Variants in CCNY observed in about 807,000 individuals in gnomAD.
CCNY encodes cyclin Y.
In CCNY, 19 loss-of-function variants were observed where a neutral mutation model predicts 42.8. The observed-to-expected ratio is 0.44, with a 90% CI of 0.31 to 0.65. The LOEUF is 0.65. Ranked by LOEUF, CCNY falls within the 30% of genes least tolerant of loss-of-function variation. CCNY has a pLI of 0.07. For synonymous variants in CCNY, 165 were observed against 162.7 expected (o/e 1.01, Z -0.11); for missense variants, 370 against 437.3 (o/e 0.85, Z 1.37).
intron 1 of CCNY, among the ~76,000 whole-genome samples, chr10:35,414,703 A>G (rs909329774): frequency 6.6e-6 from 1 of 152,294 alleles, no homozygotes; most frequent in South Asian, 2.1e-4. Context: ...TGACTTCAGC[A>G]AGTTGGGGGC....
chr10:35,521,892 C>T (rs894707385), intron 4 of CCNY, among the ~76,000 whole-genome samples: 5 of 151,954 alleles, frequency 3.3e-5, no homozygotes, highest in Admixed American at 6.6e-5. Flanking sequence ...AAACAATGAC[C>T]GGCACAGCTA....
intron 3 of CCNY, among the ~76,000 whole-genome samples, chr10:35,301,276 C>T (rs898413646): frequency 2.0e-5 from 3 of 152,078 alleles, no homozygotes; most frequent in African/African-American, 7.2e-5. Flanking sequence ...AAATATATGG[C>T]CAATGTGTGT....
At chr10:35,510,144 G>A (rs746959506) in intron 3 of CCNY, among the ~76,000 whole-genome samples, 1 of 152,110 alleles carries the variant, frequency 6.6e-6, no homozygotes, top group Non-Finnish European at 1.5e-5. Context: ...CATATTTAGA[G>A]ATTTCATTTA....
chr10:35,491,521 C>G (rs1354454503), intron 2 of CCNY, among the ~76,000 whole-genome samples: 1 of 152,216 alleles, frequency 6.6e-6, no homozygotes, highest in Non-Finnish European at 1.5e-5. Flanking sequence ...GACAGCCAGT[C>G]TGGAAATCGT....
intron 2 of CCNY, among the ~76,000 whole-genome samples, chr10:35,490,504 A>G (rs1247376823): frequency 6.6e-6 from 1 of 152,188 alleles, no homozygotes; most frequent in Non-Finnish European, 1.5e-5. Context: ...TCTGCGGTCC[A>G]CTGCACCTTC....
At chr10:35,490,869 G>A (rs918839912) in intron 2 of CCNY, among the ~76,000 whole-genome samples, 3 of 152,192 alleles carry the variant, frequency 2.0e-5, no homozygotes, top group Non-Finnish European at 4.4e-5. Context: ...GTGAAGTTGT[G>A]AGGGAGGAAG....
At chr10:35,386,181 G>A (rs543029578) in intron 1 of CCNY, among the ~76,000 whole-genome samples, 6 of 152,336 alleles carry the variant, frequency 3.9e-5, no homozygotes, top group Admixed American at 1.3e-4. Context: ...TTGTTGAGAA[G>A]TCATACATTA....
intron 1 of CCNY, among the ~76,000 whole-genome samples, chr10:35,465,953 G>GTGTGTGTGTGTC (rs1344748922): frequency 4.0e-5 from 6 of 151,464 alleles, no homozygotes; most frequent in African/African-American, 1.5e-4. Flanking sequence ...GTGTGTGTGT[G>GTGTGTGTGTGTC]TGTGTGTCTG....
intron 1 of CCNY, among the ~76,000 whole-genome samples, chr10:35,391,655 T>C (rs1215257266): frequency 5.3e-5 from 8 of 152,188 alleles, no homozygotes; most frequent in South Asian, 4.1e-4. Flanking sequence ...TAGTTTTTAG[T>C]CTTCTCATCT....
chr10:35,479,677 G>A (rs1345366018), intron 1 of CCNY, among the ~76,000 whole-genome samples: 5 of 150,846 alleles, frequency 3.3e-5, no homozygotes, highest in Non-Finnish European at 7.4e-5. Context: ...GTTAGTGGGT[G>A]CAGCACACCA....
At chr10:35,505,567 G>C (rs1356005025) in intron 3 of CCNY, among the ~76,000 whole-genome samples, 1 of 152,116 alleles carries the variant, frequency 6.6e-6, no homozygotes, top group East Asian at 1.9e-4. Context: ...TCAAACCCTC[G>C]TTCTGCCACC....
intron 7 of CCNY, among the ~76,000 whole-genome samples, chr10:35,535,589 G>T (rs1840870306): frequency 1.3e-5 from 2 of 152,066 alleles, no homozygotes; most frequent in African/African-American, 4.8e-5. Context: ...GGCCCTCCTT[G>T]TACAAGGGCT....
intron 1 of CCNY, among the ~76,000 whole-genome samples, chr10:35,383,412 G>A (rs984253187): frequency 4.0e-5 from 6 of 151,754 alleles, no homozygotes; most frequent in African/African-American, 1.5e-4. Context: ...GGTTCAAGCA[G>A]TTCTCCTGCC....
At chr10:35,292,462 C>G (rs1240053646) in intron 3 of CCNY, among the ~76,000 whole-genome samples, 1 of 152,058 alleles carries the variant, frequency 6.6e-6, no homozygotes, top group Non-Finnish European at 1.5e-5. Context: ...CTCCTGGGTT[C>G]AAGCAATTCT....
At chr10:35,475,311 A>G (rs1839482768) in intron 1 of CCNY, among the ~76,000 whole-genome samples, 2 of 152,218 alleles carry the variant, frequency 1.3e-5, no homozygotes, top group South Asian at 4.1e-4. Context: ...CTCCTCGAGA[A>G]GAGCAACTCC....
At chr10:35,455,685 C>T (rs1051902916) in intron 1 of CCNY, among the ~76,000 whole-genome samples, 18 of 151,966 alleles carry the variant, frequency 1.2e-4, no homozygotes, top group African/African-American at 4.4e-4. Context: ...CTTGAGAGAA[C>T]ATGAACCAGG....
chr10:35,408,016 T>A (rs186509992), intron 1 of CCNY, among the ~76,000 whole-genome samples: 197 of 152,284 alleles, frequency 1.3e-3, no homozygotes, highest in Non-Finnish European at 2.9e-4. Context: ...ATGTCTCCTT[T>A]GTCTCCACCA....
intron 1 of CCNY, among the ~76,000 whole-genome samples, chr10:35,347,168 C>T (rs1258699443): frequency 6.6e-6 from 1 of 152,170 alleles, no homozygotes; most frequent in Non-Finnish European, 1.5e-5. Flanking sequence ...CACATTGTCC[C>T]GTACTGGGGA....
rs546255400 is a variant in CCNY, at chr10:35,290,209, C to A, written c.-9+39583C>A. 1.9e-4 allele frequency among the ~76,000 whole-genome samples: 26 copies of A among 139,696 alleles called. 1 individual carries two copies. The South Asian group carries it at 6.0e-3, about 32-fold the overall frequency. The allele number at this position is 139,696 out of a possible 152,430, so 91.6% of individuals were successfully genotyped here. On this transcript the variant is annotated intron_variant, in intron 3 of 11. Coordinates refer to the CCNY transcript ENST00000374706. ...CCACTGCACTCCAGCCTGGGCAACA[C>A]AGCAAGACTCCATCACACACACACA...
Sources: allele counts gnomAD v4.1 joint callset (sites outside exome capture counted in the v4.1 genomes callset), GRCh38; gene constraint gnomAD v4.1.1; transcripts MANE v1.5; gene names NCBI Gene and HGNC (gene_info 2026-07-23, HGNC 2026-07-21).